Variants in SLC39A14 observed in about 807,000 individuals in gnomAD.
SLC39A14 encodes the protein metal cation symporter ZIP14.
In SLC39A14, 19 loss-of-function variants were observed where a neutral mutation model predicts 45.5. The ratio of observed to expected loss-of-function variants is 0.42; its 90% CI spans 0.29 to 0.61. The LOEUF is 0.61. Among genes scored for constraint, SLC39A14 ranks in the 20% least tolerant of loss-of-function variants. The pLI is 0.22. For synonymous variants in SLC39A14, 264 were observed against 251.3 expected (o/e 1.05, Z -0.48); for missense variants, 447 against 616.5 (o/e 0.73, Z 2.91).
Position 22,421,134 on chromosome 8 carries a change from C to CACTA in SLC39A14, c.*1437_*1438insCTAA. 2.0e-6 allele frequency: 2 copies of CACTA among 985,856 alleles called. No individual in the cohort carries two copies. The highest frequency in any genetic ancestry group is 2.4e-6 in the Non-Finnish European group (2 of 829,946). 61.1% of individuals were successfully genotyped at this position (985,856 alleles called of 1,614,324 possible). A position where few individuals can be genotyped will look rare whatever the true frequency, so the allele number is the denominator to read the frequency against. On this transcript the variant is annotated 3_prime_UTR_variant, in exon 9 of 9. Transcript: ENST00000381237. The stretch of plus-strand genomic sequence containing the variant: ...AGCCACTTTGGGGAGCCTGTCTCTC[C>CACTA]AGAAGCCTTTCTTAGTGGTGCCCAC...
At chr8:22,426,694 T>C (rs111955525), downstream of SLC39A14, among the ~76,000 whole-genome samples, 4,825 of 151,824 alleles carry the variant, frequency 0.032, 243 homozygotes, top group African/African-American at 0.11. Flanking sequence ...CTCTCTCTCT[T>C]TTTTTTTGAG....
chr8:22,379,348 T>G (rs900177892), intron 1 of SLC39A14: 2 of 152,158 alleles, frequency 1.3e-5, no homozygotes, highest in African/African-American at 4.8e-5. Context: ...CCCACTAGAT[T>G]CAGGGTTGTG....
chr8:22,419,040 C>T (rs1408309207), intron 8 of SLC39A14, among the ~76,000 whole-genome samples: 1 of 151,120 alleles, frequency 6.6e-6, no homozygotes, highest in African/African-American at 2.4e-5. Flanking sequence ...AAAAAAAAGT[C>T]TATAATATAA....
intron 1 of SLC39A14, chr8:22,398,687 G>A (rs1451215945): frequency 7.1e-6 from 7 of 983,730 alleles, no homozygotes; most frequent in African/African-American, 3.5e-5. Flanking sequence ...CTCTGAGAGG[G>A]GAGGTGGGCT....
chr8:22,404,671 C>G, intron 1 of SLC39A14, 25 bp from the exon 2 acceptor site: 3 of 1,594,472 alleles, frequency 1.9e-6, no homozygotes, highest in Non-Finnish European at 2.6e-6. Context: ...GAGGCCTCAG[C>G]TTCACCTGCC....
rs1248805698 is a variant in SLC39A14, at chr8:22,422,254, T to A, written c.*2556T>A. The A allele has an allele frequency of 1.6e-5, 16 of 985,452 alleles. No homozygotes were observed. Among genetic ancestry groups the A allele is most frequent in the Non-Finnish European group, 1.7e-5 (14 of 829,944 alleles). The allele number at this position is 985,452 out of a possible 1,614,324, so 61.0% of individuals were successfully genotyped here. ...AAGTGTATGTCACGTGCAGGAACAG[T>A]GAGGCAGGGACAGGGGTTCTGCTCC... On this transcript the variant is annotated 3_prime_UTR_variant, in exon 9 of 9. Coordinates refer to ENST00000381237, the MANE Select transcript of SLC39A14 (RefSeq NM_001128431.4).
In SLC39A14 at chr8:22,415,808, C is replaced by T. The variant is rs1440344997; in HGVS notation, c.790C>T (p.Pro264Ser). ...CAGCCATTATGCCTCTGAGTCGCTT[C>T]CCTCCAAGAAGGACCAGGAGGAGGG... ...GHSHYASESL[P>S]SKKDQEEGVM... The change falls in exon 6 of 9, where the codon CCC becomes TCC. Residue 264 changes from proline to serine, a missense_variant. By Grantham distance (74) the Pro-to-Ser change is moderately conservative. Around this residue, in one of 2 missense-constraint regions of SLC39A14, gnomAD observed 342 missense variants for 428.1 expected, o/e 0.80. Coordinates refer to ENST00000381237, the MANE Select transcript of SLC39A14 (RefSeq NM_001128431.4). 3 of 1,613,012 alleles carry T rather than the reference C, an allele frequency of 1.9e-6. No homozygotes were observed. In the African/African-American group the frequency reaches 4.0e-5, roughly 22 times the overall value.
chr8:22,399,111 A>C (rs1390143379), intron 1 of SLC39A14, among the ~76,000 whole-genome samples: 1 of 152,030 alleles, frequency 6.6e-6, no homozygotes, highest in Non-Finnish European at 1.5e-5. Context: ...AAAGGTGTCC[A>C]TCCTTACTTG....
chr8:22,406,988 A>G lies in SLC39A14; in HGVS notation c.271-1322A>G, dbSNP rs926374575. 4.6e-5 allele frequency among the ~76,000 whole-genome samples: 7 copies of G among 152,170 alleles called. No homozygotes were observed. The East Asian group carries it at 1.2e-3, about 25-fold the overall frequency. Reference sequence around the variant, plus strand: ...GGCCTGGCATGTAGGTGTAGACAGTATAATTAGAAGTGGAGCTGCAGATTT... The same window carrying G: ...GGCCTGGCATGTAGGTGTAGACAGTGTAATTAGAAGTGGAGCTGCAGATTT... On this transcript the variant is annotated intron_variant, in intron 2 of 8. Coordinates refer to ENST00000381237, the MANE Select transcript of SLC39A14 (RefSeq NM_001128431.4).
intron 1 of SLC39A14, among the ~76,000 whole-genome samples, chr8:22,380,357 C>T (rs909597673): frequency 3.3e-5 from 5 of 152,156 alleles, no homozygotes; most frequent in South Asian, 2.1e-4. Context: ...TGCAGAGTGT[C>T]GTACTTAGAA....
At chr8:22,385,908 GC>G (rs758692757) in intron 1 of SLC39A14, among the ~76,000 whole-genome samples, 2 of 152,142 alleles carry the variant, frequency 1.3e-5, no homozygotes, top group Non-Finnish European at 2.9e-5. Flanking sequence ...AGGGGTTGAA[GC>G]AAGGAAAGTG....
At chr8:22,402,769 A>C (rs1388772141) in intron 1 of SLC39A14, among the ~76,000 whole-genome samples, 2 of 89,546 alleles carry the variant, frequency 2.2e-5, no homozygotes, top group African/African-American at 8.7e-5. Context: ...ACTCCATTTC[A>C]AAAAAAAAAA....
chr8:22,369,370 G>A (rs917677431), intron 1 of SLC39A14, among the ~76,000 whole-genome samples: 4 of 152,224 alleles, frequency 2.6e-5, no homozygotes, highest in Non-Finnish European at 5.9e-5. Context: ...CTGAGGACTT[G>A]GGGGCTGGAG....
intron 5 of SLC39A14, 94 bp from the exon 6 acceptor site, chr8:22,415,675 T>C: frequency 1.7e-6 from 2 of 1,179,220 alleles, no homozygotes; most frequent in Admixed American, 2.6e-5. Context: ...GGCTGAGGTC[T>C]TCCAGTGTGT....
At chr8:22,374,624 A>T (rs754917539) in intron 1 of SLC39A14, among the ~76,000 whole-genome samples, 33 of 151,232 alleles carry the variant, frequency 2.2e-4, no homozygotes, top group Admixed American at 4.0e-4. Flanking sequence ...TGGGTCTAGG[A>T]GTCTTGAATG....
intron 1 of SLC39A14, among the ~76,000 whole-genome samples, chr8:22,370,860 C>A (rs572064081): frequency 1.3e-5 from 2 of 152,288 alleles, no homozygotes; most frequent in African/African-American, 4.8e-5. Context: ...TGCAGTGGGG[C>A]TTCTCTGACC....
Position 22,416,379 on chromosome 8 carries a change from G to A in SLC39A14, c.1147+99G>A. On this transcript the variant is annotated intron_variant, in intron 7 of 8. Transcript: ENST00000381237. The stretch of plus-strand genomic sequence containing the variant: ...TTGCTCCCATCTCCCTGTCTTCACA[G>A]TGCTTATTGTAACTGATTTAACACA... 11 of 974,496 alleles carry A rather than the reference G, an allele frequency of 1.1e-5. No individual in the cohort carries two copies. The South Asian group carries it at 1.6e-4, about 14-fold the overall frequency. The allele number at this position is 974,496 out of a possible 1,614,324, so 60.4% of individuals were successfully genotyped here.
chr8:22,415,050 T>A, intron 5 of SLC39A14, 148 bp downstream of exon 5: 4 of 954,334 alleles, frequency 4.2e-6, no homozygotes, highest in Middle Eastern at 2.4e-4. Context: ...ACAATCCCAT[T>A]TCACCTCCTG....
chr8:22,408,633 C>T (rs1372158470), intron 3 of SLC39A14, 137 bp downstream of exon 3: 4 of 777,774 alleles, frequency 5.1e-6, no homozygotes, highest in Non-Finnish European at 6.0e-6. Flanking sequence ...GTGTCAGGAG[C>T]GGGAGCGATG....
Sources: allele counts gnomAD v4.1 joint callset (sites outside exome capture counted in the v4.1 genomes callset), GRCh38; gene constraint gnomAD v4.1.1; regional missense constraint gnomAD v4.1.1; transcripts MANE v1.5; gene names NCBI Gene and HGNC (gene_info 2026-07-23, HGNC 2026-07-21).